FAM118A: variants seen among roughly 807,000 people sequenced by gnomAD.
The protein encoded by FAM118A is protein FAM118A.
In FAM118A, 25 loss-of-function variants were observed where a neutral mutation model predicts 38.2. The observed-to-expected ratio is 0.65, with a 90% confidence interval of 0.48 to 0.91. The LOEUF is 0.91. FAM118A is among the 40% of genes least tolerant of loss of function. FAM118A has a pLI of 0.00. For synonymous variants in FAM118A, 178 were observed against 184.1 expected, an observed-to-expected ratio of 0.97 and a Z score of 0.27; for missense variants, 425 against 463.3, an observed-to-expected ratio of 0.92 and a Z score of 0.76.
intron 1 of FAM118A, among the ~76,000 whole-genome samples, chr22:45,312,842 G>A (rs763298876): frequency 1.1e-4 from 16 of 152,096 alleles, no homozygotes; most frequent in Admixed American, 6.6e-5. Flanking sequence ...CAGAAACTTC[G>A]GCATGTTTGT....
At position 45,341,467 on chromosome 22, in the gene FAM118A, A is replaced by G. The variant is rs1197708219; in HGVS notation, c.*1062A>G. The G allele has an allele frequency of 2.0e-5, 3 of 152,352 alleles. No individual in the cohort carries two copies. The highest frequency in any genetic ancestry group is 3.9e-4 in the East Asian group (2 of 5,192). 9.4% of individuals were successfully genotyped at this position (152,352 alleles called of 1,614,324 possible). On this transcript the variant is annotated 3_prime_UTR_variant, in exon 9 of 9. Transcript: ENST00000441876. ...TTTGCAAGTCTTTATTCTCTGGGGT[A>G]ATATCCAGTCTTTCTGTTATTGTCT...
At position 45,332,756 on chromosome 22, in the gene FAM118A, T is replaced by TTC. The variant is rs768389597; in HGVS notation, c.937+47_937+48insCT. 13 of 1,523,082 alleles carry TTC rather than the reference T, an allele frequency of 8.5e-6. No individual in the cohort carries two copies. In the African/African-American group the frequency reaches 1.4e-4, roughly 16 times the overall value. 94.3% of individuals were successfully genotyped at this position (1,523,082 alleles called of 1,614,324 possible). On this transcript the variant is annotated intron_variant, in intron 6 of 8. Transcript: ENST00000441876. The stretch of plus-strand genomic sequence containing the variant: ...TTCCTTTTTCTTTCTTTTTTCTTTT[T>TTC]TTTTTTTGAGACGGAGTTTTGCTCT...
intron 8 of FAM118A, among the ~76,000 whole-genome samples, chr22:45,336,870 C>T (rs1054271835): frequency 2.0e-5 from 3 of 152,214 alleles, no homozygotes. Flanking sequence ...TAGCCTGATG[C>T]ATGTCACCTG....
chr22:45,327,734 CTT>C, intron 3 of FAM118A, 106 bp from the exon 4 acceptor site: 2 of 1,148,600 alleles, frequency 1.7e-6, no homozygotes, highest in South Asian at 2.7e-5. Context: ...GCCAGATTTT[CTT>C]TGTTTTCAGC....
chr22:45,334,827 C>G (rs1246813846), intron 6 of FAM118A, among the ~76,000 whole-genome samples: 5 of 152,164 alleles, frequency 3.3e-5, no homozygotes, highest in African/African-American at 9.7e-5. Context: ...TCTCTGCCCC[C>G]GTCCGCCGCT....
chr22:45,335,514 G>A, intron 7 of FAM118A, 132 bp downstream of exon 7: 1 of 1,016,370 alleles, frequency 9.8e-7, no homozygotes, highest in Non-Finnish European at 1.5e-6. Flanking sequence ...CAGCCCCACT[G>A]AAGATGATAA....
At chr22:45,315,514 T>A (rs535008096) in intron 1 of FAM118A, among the ~76,000 whole-genome samples, 2 of 152,204 alleles carry the variant, frequency 1.3e-5, no homozygotes, top group Non-Finnish European at 2.9e-5. Context: ...ACTGTACACT[T>A]TATTAAGTGC....
chr22:45,313,094 T>C (rs1202125342), intron 1 of FAM118A, among the ~76,000 whole-genome samples: 1 of 152,080 alleles, frequency 6.6e-6, no homozygotes, highest in Non-Finnish European at 1.5e-5. Context: ...ATCAGCTCAT[T>C]AGCATACAAA....
chr22:45,331,677 G>A (rs1273310819), intron 5 of FAM118A, among the ~76,000 whole-genome samples: 2 of 152,200 alleles, frequency 1.3e-5, no homozygotes. Context: ...CCCTGGGCCG[G>A]TGTCATTCCG....
chr22:45,326,386 A>C (rs143025206), intron 3 of FAM118A, among the ~76,000 whole-genome samples: 1 of 152,188 alleles, frequency 6.6e-6, no homozygotes, highest in Non-Finnish European at 1.5e-5. Context: ...TGTGTCTCTC[A>C]GAGTATATGC....
intron 1 of FAM118A, 174 bp from the exon 2 acceptor site, chr22:45,322,197 C>T (rs1344036636): frequency 6.6e-7 from 1 of 1,522,966 alleles, no homozygotes. Flanking sequence ...GGAATGGTGG[C>T]TTAGGAAGCA....
At chr22:45,330,941 T>C (rs2085667044) in intron 5 of FAM118A, among the ~76,000 whole-genome samples, 1 of 152,208 alleles carries the variant, frequency 6.6e-6, no homozygotes, top group South Asian at 2.1e-4. Flanking sequence ...GAGTAGATGC[T>C]TGGCGAACAT....
intron 3 of FAM118A, among the ~76,000 whole-genome samples, chr22:45,326,916 T>A (rs2085315471): frequency 6.8e-6 from 1 of 147,704 alleles, no homozygotes; most frequent in Non-Finnish European, 1.5e-5. Flanking sequence ...AGGCTGAGGT[T>A]GGAGGATCAC....
chr22:45,309,804 C>CGGCGGGGCGGGGCGCGGCGG (rs148530837), upstream of FAM118A: 4 of 151,022 alleles, frequency 2.6e-5, no homozygotes, highest in Non-Finnish European at 4.5e-5. Flanking sequence ...GAGGATCTGG[C>CGGCGGGGCGGGGCGCGGCGG]GGCGGGGCGG....
chr22:45,320,973 CAT>C (rs140392206), intron 1 of FAM118A, among the ~76,000 whole-genome samples: 6,797 of 152,222 alleles, frequency 0.045, 552 homozygotes, highest in African/African-American at 0.15. Flanking sequence ...CTGCATCAGA[CAT>C]GTGTCAGTAA....
intron 1 of FAM118A, among the ~76,000 whole-genome samples, chr22:45,310,453 G>C (rs2084312516): frequency 6.6e-6 from 1 of 152,054 alleles, no homozygotes; most frequent in Admixed American, 6.5e-5. Context: ...AAACTCTCGA[G>C]GTTCCCTTGG....
chr22:45,318,257 ATC>A (rs1397986962), intron 1 of FAM118A, among the ~76,000 whole-genome samples: 2 of 152,062 alleles, frequency 1.3e-5, no homozygotes, highest in Non-Finnish European at 2.9e-5. Context: ...GCTTATAAGA[ATC>A]TCTGCTGGGG....
intron 4 of FAM118A, chr22:45,328,408 C>T (rs771838737): frequency 6.9e-6 from 8 of 1,165,076 alleles, no homozygotes; most frequent in Admixed American, 5.0e-5. Context: ...GCTGGGGCTG[C>T]GGGCAGCCTG....
At chr22:45,324,442 C>T (rs2085110265) in intron 3 of FAM118A, among the ~76,000 whole-genome samples, 1 of 152,210 alleles carries the variant, frequency 6.6e-6, no homozygotes, top group Non-Finnish European at 1.5e-5. Flanking sequence ...CAAGGGCCAC[C>T]ACTGAAGTCA....
Sources: gnomAD v4.1 joint callset for allele counts (sites outside exome capture counted in the v4.1 genomes callset) on GRCh38, gnomAD v4.1.1 for gene constraint, MANE v1.5 for transcripts, NCBI Gene and HGNC (gene_info 2026-07-23, HGNC 2026-07-21) for gene names.